The following FBN3 variants were observed in gnomAD, a reference collection of about 807,000 sequenced individuals.
FBN3 encodes the protein fibrillin 3.
In FBN3, 234 loss-of-function variants were observed where a neutral mutation model predicts 330.1. The ratio of observed to expected loss-of-function variants is 0.71; its 90% confidence interval spans 0.64 to 0.79. The LOEUF (loss-of-function observed/expected upper bound fraction) is 0.79, where lower values mean the gene tolerates loss of function less well. Ranked by LOEUF, FBN3 falls within the 30% of genes least tolerant of loss-of-function variation. The probability of loss-of-function intolerance (pLI) is 0.00; values close to 1 mark genes in which losing one functional copy is unlikely to be tolerated. For synonymous variants in FBN3, 1,458 were observed against 1,517.3 expected (o/e 0.96, Z 0.91); for missense variants, 3,606 against 3,886.9 (o/e 0.93, Z 1.92).
Position 8,096,980 on chromosome 19 carries a change from T to A in FBN3, c.5314A>T (p.Ser1772Cys). The change falls in exon 43 of 64, where the codon AGT (serine) becomes TGT (cysteine). Residue 1772 changes from serine (S) to cysteine (C), a missense_variant. By Grantham distance (112) the Ser-to-Cys change is moderately radical (BLOSUM62 -1). Coordinates refer to ENST00000600128, the MANE Select transcript of FBN3 (RefSeq NM_032447.5). The surrounding 1 kb of genome is among the most constrained non-coding windows in gnomAD (Gnocchi z 4.6). Reference sequence around the variant, plus strand: ...CAGTCAGCATTCTGCTGGCAGGGACTCTCCCTGCTGCCACACTCATCGACA... The same window carrying A: ...CAGTCAGCATTCTGCTGGCAGGGACACTCCCTGCTGCCACACTCATCGACA... ...EDVDECGSRE[S>C]PCQQNADCIN... The A allele has an allele frequency of 6.2e-7, 1 of 1,613,396 alleles. No homozygotes were observed. Among genetic ancestry groups the A allele is most frequent in the Non-Finnish European group, 8.5e-7 (1 of 1,179,870 alleles).
In FBN3 at chr19:8,136,189, C is replaced by T. The variant is rs2083276190; in HGVS notation, c.1465+1G>A. The T allele has an allele frequency of 1.2e-6, 2 of 1,613,490 alleles. No homozygotes were observed. Among genetic ancestry groups the T allele is most frequent in the Admixed American group, 3.3e-5 (2 of 59,940 alleles). ...CCCTACTCTTGGATGGACAGCCGTA[C>T]CCACGCATGCCTGCCTGGTGGGCGT... On this transcript the variant is annotated splice_donor_variant, in intron 12 of 63. Transcript: ENST00000600128. LOFTEE classifies it high-confidence loss of function.
rs997965759 is a variant in FBN3 at position 8,067,123 on chromosome 19, C to CT, written c.8089-864dup. Among the ~76,000 whole-genome samples, 303 of 147,464 alleles carry CT rather than the reference C, an allele frequency of 2.1e-3. 4 individuals are homozygous for CT. Among genetic ancestry groups the CT allele is most frequent in the Middle Eastern group, 3.6e-3 (1 of 280 alleles). On this transcript the variant is annotated intron_variant, in intron 63 of 63. Coordinates refer to ENST00000600128, the MANE Select transcript of FBN3 (RefSeq NM_032447.5). ...GGACAGGATTTCTTTGTTTCTTCTT[C>CT]TTTTTCTTTTTTTTTTTTTTTTGAG... is the stretch of plus-strand genomic sequence containing the variant.
At position 8,131,581 on chromosome 19, in the gene FBN3, AG is replaced by A. The variant is rs1252118431; in HGVS notation, c.1962del (p.Cys655AlafsTer122). The A allele has an allele frequency of 6.2e-7, 1 of 1,611,320 alleles. No homozygotes were observed. The highest frequency in any genetic ancestry group is 8.5e-7 in the Non-Finnish European group (1 of 1,178,094). ...GAGTCTTTGGCAGGACAAAGCTGGC[AG>A]GGCTCCCCAAAACCGTGGTCCGGAT... is the stretch of plus-strand genomic sequence containing the variant. ...CANPDHGFGEPCQLCPAKDSA... is the reference protein window; with the variant it reads ...CANPDHGFGEXCQLCPAKDSA... On this transcript the variant is annotated frameshift_variant, in exon 15 of 64. Transcript: ENST00000600128. LOFTEE classifies it high-confidence loss of function. The surrounding 1 kb of genome is among the most constrained non-coding windows in gnomAD (Gnocchi z 4.5).
At position 8,109,478 on chromosome 19, in the gene FBN3, A is replaced by C; in HGVS notation, c.4457-90T>G. ...GCATGTGTCTATTTCAACAGGTGAC[A>C]AGGACAACCACTCTTGCAGGAGACC... On this transcript the variant is annotated intron_variant, in intron 35 of 63. Coordinates refer to ENST00000600128, the MANE Select transcript of FBN3 (RefSeq NM_032447.5). This position sits in a 1 kb window ranked among gnomAD's most constrained non-coding sequence, Gnocchi z 5.2. 1 of 1,546,486 alleles carries C rather than the reference A, an allele frequency of 6.5e-7. No individual in the cohort carries two copies. The highest frequency in any genetic ancestry group is 1.2e-5 in the South Asian group (1 of 84,744).
At chr19:8,140,057 C>G (rs1239471573) in intron 8 of FBN3, among the ~76,000 whole-genome samples, 3 of 152,158 alleles carry the variant, frequency 2.0e-5, no homozygotes, top group Admixed American at 2.0e-4. Context: ...CAACAGACTC[C>G]TCCAAAGTCA....
intron 47 of FBN3, among the ~76,000 whole-genome samples, chr19:8,091,921 C>T (rs2082104277): frequency 6.6e-6 from 1 of 152,144 alleles, no homozygotes; most frequent in Non-Finnish European, 1.5e-5. Flanking sequence ...GTGGCTCATG[C>T]CTGTAATCCC....
rs550960827 is a variant in FBN3 at position 8,072,262 on chromosome 19, G to A, written c.7938-64C>T. On this transcript the variant is annotated intron_variant, in intron 62 of 63. Coordinates refer to ENST00000600128, the MANE Select transcript of FBN3 (RefSeq NM_032447.5). ...GGGCTGATGGGACCTCCCCAGCCACGCCGCTCCACCCCATACTCCGTTCTG... is the reference window on the plus strand; with the variant it reads ...GGGCTGATGGGACCTCCCCAGCCACACCGCTCCACCCCATACTCCGTTCTG... 379 of 1,448,820 alleles carry A rather than the reference G, an allele frequency of 2.6e-4. 1 individual carries two copies. The African/African-American group carries it at 4.3e-3, about 16-fold the overall frequency. 89.7% of individuals were successfully genotyped at this position (1,448,820 alleles called of 1,614,324 possible). A position where few individuals can be genotyped will look rare whatever the true frequency, so the allele number is the denominator to read the frequency against.
At chr19:8,124,989 G>A (rs1022571313) in intron 22 of FBN3, among the ~76,000 whole-genome samples, 5 of 152,194 alleles carry the variant, frequency 3.3e-5, no homozygotes, top group African/African-American at 9.7e-5. Flanking sequence ...TGCTGTACCC[G>A]TGCAGTTTCA....
At chr19:8,132,962 G>T in intron 14 of FBN3, 22 bp downstream of exon 14, 2 of 1,536,398 alleles carry the variant, frequency 1.3e-6, no homozygotes, top group Non-Finnish European at 8.7e-7. Context: ...CCCTCCGCTG[G>T]CCAGTCTGGC....
intron 8 of FBN3, among the ~76,000 whole-genome samples, chr19:8,141,002 C>T (rs1267491703): frequency 6.6e-6 from 1 of 151,626 alleles, no homozygotes; most frequent in African/African-American, 2.4e-5. Flanking sequence ...ACCATCCTGG[C>T]TAACACGGTG....
chr19:8,123,587 C>T lies in FBN3; in HGVS notation c.2959G>A (p.Val987Met). The change falls in exon 24 of 64, where the codon GTG (valine) becomes ATG (methionine). Residue 987 changes from valine (V) to methionine (M), a missense_variant and splice_region_variant. Physicochemically the swap from Val to Met is conservative, Grantham distance 21. Transcript: ENST00000600128. ...FLSGRPFYKD[V>M]NECKVFPGLC... ...CCAGGGAACACCTTGCATTCATTCA[C>T]ATCTGAAGTACAGGGGCATCAAACC... is the stretch of plus-strand genomic sequence containing the variant. 1.2e-6 allele frequency: 2 copies of T among 1,614,178 alleles called. No individual in the cohort carries two copies. The highest frequency in any genetic ancestry group is 1.7e-6 in the Non-Finnish European group (2 of 1,180,014).
Position 8,096,831 on chromosome 19 carries a change from A to C in FBN3, c.5413+50T>G, listed in dbSNP as rs1426651430. ...AGAGCCATACCCCATCTAAGTCCCCATGGGTGACAGAGCCCAGCTCCCTCA... is the reference window on the plus strand; with the variant it reads ...AGAGCCATACCCCATCTAAGTCCCCCTGGGTGACAGAGCCCAGCTCCCTCA... On this transcript the variant is annotated intron_variant, in intron 43 of 63. Transcript: ENST00000600128. This position sits in a 1 kb window ranked among gnomAD's most constrained non-coding sequence, Gnocchi z 4.6. The C allele has an allele frequency of 1.9e-6, 3 of 1,600,052 alleles. No individual in the cohort carries two copies. Among genetic ancestry groups the C allele is most frequent in the Non-Finnish European group, 1.7e-6 (2 of 1,175,096 alleles).
chr19:8,085,355 G>T lies in FBN3; in HGVS notation c.7087+8C>A. On this transcript the variant is annotated splice_region_variant and intron_variant, in intron 56 of 63. Transcript: ENST00000600128. ...CTCCCTGGGGGTCCTGAGGGCATGGGCACCCACCTCGGCCCTCAGCAGTGT... is the reference window on the plus strand; with the variant it reads ...CTCCCTGGGGGTCCTGAGGGCATGGTCACCCACCTCGGCCCTCAGCAGTGT... The T allele has an allele frequency of 1.3e-6, 2 of 1,562,862 alleles. No homozygotes were observed. Among genetic ancestry groups the T allele is most frequent in the Non-Finnish European group, 1.7e-6 (2 of 1,157,788 alleles).
chr19:8,108,128 C>A, intron 37 of FBN3, 42 bp downstream of exon 37: 2 of 1,581,628 alleles, frequency 1.3e-6, no homozygotes, highest in South Asian at 1.1e-5. Context: ...AAAAGTCAGT[C>A]TCTAGGCAGA....
chr19:8,078,968 A>G (rs536556090), intron 59 of FBN3, among the ~76,000 whole-genome samples: 52 of 151,758 alleles, frequency 3.4e-4, no homozygotes, highest in African/African-American at 1.3e-3. Flanking sequence ...TTTTGTAGAG[A>G]TGGAGTCTTG....
chr19:8,131,380 G>A lies in FBN3; in HGVS notation c.1991-92C>T. ...CAAGGATGAGGCCCTCTGGTCTTGG[G>A]CAAGAGTTTGGGACTAAGACACAAC... On this transcript the variant is annotated intron_variant, in intron 15 of 63. Coordinates refer to ENST00000600128, the MANE Select transcript of FBN3 (RefSeq NM_032447.5). The surrounding 1 kb of genome is among the most constrained non-coding windows in gnomAD (Gnocchi z 4.5). The A allele has an allele frequency of 6.6e-7, 1 of 1,511,766 alleles. No individual in the cohort carries two copies. The highest frequency in any genetic ancestry group is 9.1e-7 in the Non-Finnish European group (1 of 1,100,462). The allele number at this position is 1,511,766 out of a possible 1,614,324, so 93.6% of individuals were successfully genotyped here.
chr19:8,070,778 T>G (rs138720041), intron 63 of FBN3, among the ~76,000 whole-genome samples: 363 of 152,192 alleles, frequency 2.4e-3, no homozygotes, highest in African/African-American at 8.2e-3. Context: ...ATCCCAGCAC[T>G]TTGGGAGGCC....
At chr19:8,103,541 C>A in intron 39 of FBN3, 21 bp downstream of exon 39, 1 of 1,609,692 alleles carries the variant, frequency 6.2e-7, no homozygotes, top group Non-Finnish European at 8.5e-7. Context: ...TGCCAGTTCC[C>A]TAGGTCATCA....
intron 57 of FBN3, among the ~76,000 whole-genome samples, chr19:8,082,601 C>T (rs1350431891): frequency 5.9e-5 from 9 of 152,012 alleles, no homozygotes; most frequent in Admixed American, 5.9e-4. Context: ...TCAAACGATT[C>T]TCCTGCCTCA....
Sources: allele counts gnomAD v4.1 joint callset (sites outside exome capture counted in the v4.1 genomes callset), GRCh38; gene constraint gnomAD v4.1.1; non-coding constraint Gnocchi (gnomAD v3.1); transcripts MANE v1.5; gene names NCBI Gene and HGNC (gene_info 2026-07-23, HGNC 2026-07-21).